Variants in SRBD1 observed in about 807,000 individuals in gnomAD.
SRBD1 encodes S1 RNA binding domain 1, also known as S1 RNA-binding domain-containing protein 1.
In SRBD1, 88 loss-of-function variants were observed where a neutral mutation model predicts 115.3. That is an observed-to-expected ratio of 0.76 (90% confidence interval 0.64 to 0.91). The LOEUF is 0.91. Ranked by LOEUF, SRBD1 falls within the 40% of genes least tolerant of loss-of-function variation. The pLI is 0.00. For missense variants in SRBD1, 1,385 were observed against 1,177.4 expected (o/e 1.18, Z -2.58); for synonymous variants, 509 against 407.7 (o/e 1.25, Z -2.99).
chr2:45,448,866 C>T (rs1485218370), intron 16 of SRBD1, among the ~76,000 whole-genome samples: 1 of 152,140 alleles, frequency 6.6e-6, no homozygotes. Flanking sequence ...CAAATTAGAG[C>T]AGTGCACAAA....
At chr2:45,455,428 T>C (rs1239896673) in intron 16 of SRBD1, among the ~76,000 whole-genome samples, 1 of 151,904 alleles carries the variant, frequency 6.6e-6, no homozygotes, top group Non-Finnish European at 1.5e-5. Flanking sequence ...GCCTAAATTA[T>C]TTTTGAAAGA....
At chr2:45,453,588 T>C (rs1320171013) in intron 16 of SRBD1, among the ~76,000 whole-genome samples, 4 of 151,906 alleles carry the variant, frequency 2.6e-5, no homozygotes, top group Non-Finnish European at 5.9e-5. Context: ...ATGTTGAGAG[T>C]TCCTATAAAT....
At chr2:45,592,829 T>C (rs1486261973) in intron 4 of SRBD1, among the ~76,000 whole-genome samples, 1 of 152,180 alleles carries the variant, frequency 6.6e-6, no homozygotes, top group Non-Finnish European at 1.5e-5. Flanking sequence ...TCTGAGAACT[T>C]GTTAAAAATG....
intron 10 of SRBD1, among the ~76,000 whole-genome samples, chr2:45,559,853 G>A (rs1298232078): frequency 6.6e-6 from 1 of 152,152 alleles, no homozygotes; most frequent in Non-Finnish European, 1.5e-5. Flanking sequence ...GGCGGAAGTT[G>A]GTGGATCACT....
chr2:45,594,937 C>T (rs533193309), intron 4 of SRBD1, among the ~76,000 whole-genome samples: 6 of 152,184 alleles, frequency 3.9e-5, no homozygotes, highest in South Asian at 2.1e-4. Context: ...TTCATTTTAT[C>T]TGTTATTTTT....
At chr2:45,509,829 G>C (rs918420795) in intron 14 of SRBD1, among the ~76,000 whole-genome samples, 8 of 151,952 alleles carry the variant, frequency 5.3e-5, no homozygotes, top group African/African-American at 1.7e-4. Context: ...TGTATTCTTG[G>C]GCTCAAGTGA....
chr2:45,602,962 C>T (rs1311177266), intron 2 of SRBD1, among the ~76,000 whole-genome samples: 1 of 152,108 alleles, frequency 6.6e-6, no homozygotes, highest in African/African-American at 2.4e-5. Flanking sequence ...TCAGAGGTAC[C>T]ACTAAGCCTG....
chr2:45,602,600 C>CT (rs1343030690), intron 2 of SRBD1, among the ~76,000 whole-genome samples: 1 of 152,088 alleles, frequency 6.6e-6, no homozygotes, highest in East Asian at 1.9e-4. Flanking sequence ...TTAATTAACC[C>CT]TTTTTTCCTT....
chr2:45,450,482 A>G (rs1668960591), intron 16 of SRBD1, among the ~76,000 whole-genome samples: 1 of 152,268 alleles, frequency 6.6e-6, no homozygotes, highest in Middle Eastern at 3.4e-3. Context: ...GATCTTCTAT[A>G]CTGGAAGAGT....
intron 5 of SRBD1, among the ~76,000 whole-genome samples, chr2:45,583,910 G>GT (rs1395914913): frequency 6.6e-6 from 1 of 152,210 alleles, no homozygotes; most frequent in East Asian, 1.9e-4. Context: ...CAATAGAAGG[G>GT]TTTTTTAAAG....
chr2:45,421,324 G>A (rs1248759948), intron 16 of SRBD1, among the ~76,000 whole-genome samples: 1 of 151,692 alleles, frequency 6.6e-6, no homozygotes, highest in Admixed American at 6.6e-5. Flanking sequence ...TGGCTAACAC[G>A]GTGAAACCCT....
chr2:45,518,268 G>A (rs979682833), intron 14 of SRBD1, among the ~76,000 whole-genome samples: 2 of 152,150 alleles, frequency 1.3e-5, no homozygotes, highest in Non-Finnish European at 2.9e-5. Flanking sequence ...CCAAATTTAT[G>A]TGGAAACCAG....
At chr2:45,483,661 GTATTTT>G (rs759935705) in intron 15 of SRBD1, among the ~76,000 whole-genome samples, 12 of 151,908 alleles carry the variant, frequency 7.9e-5, no homozygotes, top group Non-Finnish European at 1.6e-4. Flanking sequence ...TTAGATATCT[GTATTTT>G]TAAAGTCCAA....
chr2:45,461,238 T>C lies in SRBD1; in HGVS notation c.2049+15755A>G, dbSNP rs147451763. Among the ~76,000 whole-genome samples, 59 of 152,332 alleles carry C rather than the reference T, an allele frequency of 3.9e-4. No individual in the cohort carries two copies. In the East Asian group the frequency reaches 9.2e-3, roughly 24 times the overall value. ...ATATAAAACGGATTGTTATCCTTCC[T>C]TTCATGGAGACTTGTAATGTTCCAG... On this transcript the variant is annotated intron_variant, in intron 16 of 20. Transcript: ENST00000263736.
chr2:45,465,583 T>G (rs193220211), intron 16 of SRBD1, among the ~76,000 whole-genome samples: 68 of 152,316 alleles, frequency 4.5e-4, no homozygotes, highest in Non-Finnish European at 2.5e-4. Context: ...AGTATAAGAC[T>G]GGAAGAAAAC....
intron 14 of SRBD1, among the ~76,000 whole-genome samples, chr2:45,523,045 A>G (rs1671334849): frequency 6.6e-6 from 1 of 152,194 alleles, no homozygotes; most frequent in Admixed American, 6.5e-5. Flanking sequence ...AGCATGTGAT[A>G]TAAAGGATAC....
chr2:45,566,477 T>A (rs1333021507), intron 9 of SRBD1, among the ~76,000 whole-genome samples: 1 of 152,212 alleles, frequency 6.6e-6, no homozygotes, highest in Non-Finnish European at 1.5e-5. Flanking sequence ...ATTGTATGAT[T>A]CCTTTATATG....
chr2:45,544,187 C>T (rs998521304), intron 14 of SRBD1, among the ~76,000 whole-genome samples: 6 of 146,118 alleles, frequency 4.1e-5, no homozygotes, highest in South Asian at 4.3e-4. Context: ...GAACCAAGAT[C>T]GCGCCACTGC....
chr2:45,435,489 T>C (rs2103688828), intron 16 of SRBD1, among the ~76,000 whole-genome samples: 1 of 151,004 alleles, frequency 6.6e-6, no homozygotes, highest in South Asian at 2.1e-4. Context: ...ATAAGTGACA[T>C]CTTAAGCATT....
Sources: allele counts gnomAD v4.1 joint callset (sites outside exome capture counted in the v4.1 genomes callset), GRCh38; gene constraint gnomAD v4.1.1; transcripts MANE v1.5; gene names NCBI Gene and HGNC (gene_info 2026-07-23, HGNC 2026-07-21).